Variants in LMNB1 observed in about 807,000 individuals in gnomAD.
LMNB1 encodes the protein lamin-B1.
Under a neutral mutation model 67.1 loss-of-function variants are expected in LMNB1, and 23 were observed. The ratio of observed to expected loss-of-function variants is 0.34; its 90% CI spans 0.25 to 0.49. The LOEUF (loss-of-function observed/expected upper bound fraction) is 0.49, where lower values mean the gene tolerates loss of function less well. LMNB1 is among the 20% of genes least tolerant of loss of function. The probability of loss-of-function intolerance (pLI) is 0.99; values close to 1 mark genes in which losing one functional copy is unlikely to be tolerated. For missense variants in LMNB1, 634 were observed against 746.5 expected (o/e 0.85, Z 1.76); for synonymous variants, 281 against 282.9 (o/e 0.99, Z 0.07).
Position 126,832,769 on chromosome 5 carries a change from G to A in LMNB1, c.1687G>A (p.Val563Met). The change falls in exon 10 of 11, where the codon GTG becomes ATG. Residue 563 changes from valine (V) to methionine (M), a missense_variant. Physicochemically the swap from Val to Met is conservative, Grantham distance 21. Transcript: ENST00000261366. Reference sequence around the variant, plus strand: ...GGAGGAGGAGGAAGAAGCAGCTGGAGTGGTTGTTGAGGAAGAACTTTTCCA... The same window carrying A: ...GGAGGAGGAGGAAGAAGCAGCTGGAATGGTTGTTGAGGAAGAACTTTTCCA... ...EEEEEEEAAG[V>M]VVEEELFHQQ... 1 of 1,612,156 alleles carries A rather than the reference G, an allele frequency of 6.2e-7. No homozygotes were observed. The highest frequency in any genetic ancestry group is 1.3e-5 in the African/African-American group (1 of 75,024).
rs188832276 is a variant in LMNB1 at position 126,793,993 on chromosome 5, G to A, written c.360-10783G>A. Among the ~76,000 whole-genome samples, 61 of 152,016 alleles carry A rather than the reference G, an allele frequency of 4.0e-4. 1 individual carries two copies. The highest frequency in any genetic ancestry group is 1.4e-3 in the African/African-American group (60 of 41,488). On this transcript the variant is annotated intron_variant, in intron 1 of 10. Transcript: ENST00000261366. ...TTTGTTGCCCAGGCTGGAGTGCAAT[G>A]GAGTGATCTTGACTCACTGCTACCT... is the stretch of plus-strand genomic sequence containing the variant.
chr5:126,834,389 A>G (rs748274252), intron 10 of LMNB1, among the ~76,000 whole-genome samples: 2 of 152,134 alleles, frequency 1.3e-5, no homozygotes, highest in Non-Finnish European at 1.5e-5. Context: ...ATATTGTAGT[A>G]GAGATGGAGT....
Position 126,834,406 on chromosome 5 carries a change from A to G in LMNB1, c.1719+1605A>G, listed in dbSNP as rs144687907. 6.8e-3 allele frequency among the ~76,000 whole-genome samples: 1,029 copies of G among 152,250 alleles called. 8 individuals are homozygous for G. Among genetic ancestry groups the G allele is most frequent in the Non-Finnish European group, 0.01 (682 of 68,022 alleles). On this transcript the variant is annotated intron_variant, in intron 10 of 10. Transcript: ENST00000261366. ...ATTGTAGTAGAGATGGAGTTTCACC[A>G]TGTTGGCCACGACAATCTCAATCTC...
At chr5:126,790,280 A>G (rs1750918160) in intron 1 of LMNB1, among the ~76,000 whole-genome samples, 1 of 151,322 alleles carries the variant, frequency 6.6e-6, no homozygotes, top group Non-Finnish European at 1.5e-5. Flanking sequence ...GAATTTTTGT[A>G]TTTTTAGTAG....
rs550205958 is a variant in LMNB1, at chr5:126,836,548, T to G, written c.*284T>G. ...TTTTGACTTTTTTTGTATGTGTGTT[T>G]TTTCTTTTTTTTTAAGTTCTTATGA... On this transcript the variant is annotated 3_prime_UTR_variant, in exon 11 of 11. Coordinates refer to ENST00000261366, the MANE Select transcript of LMNB1 (RefSeq NM_005573.4). 3.2e-3 allele frequency: 1,128 copies of G among 355,668 alleles called. 3 individuals carry two copies. The highest frequency in any genetic ancestry group is 4.7e-3 in the Non-Finnish European group (947 of 201,124). 22.0% of individuals were successfully genotyped at this position (355,668 alleles called of 1,614,324 possible). A position where few individuals can be genotyped will look rare whatever the true frequency, so the allele number is the denominator to read the frequency against.
At chr5:126,792,654 G>A (rs958420126) in intron 1 of LMNB1, among the ~76,000 whole-genome samples, 7 of 132,574 alleles carry the variant, frequency 5.3e-5, no homozygotes, top group Admixed American at 8.7e-5. Context: ...GCGGCTCACC[G>A]CAACCTCCGC....
At chr5:126,803,476 A>C (rs1751338417) in intron 1 of LMNB1, among the ~76,000 whole-genome samples, 1 of 151,884 alleles carries the variant, frequency 6.6e-6, no homozygotes, top group Non-Finnish European at 1.5e-5. Context: ...TTGAACTCCC[A>C]ACATCAGGTG....
intron 1 of LMNB1, among the ~76,000 whole-genome samples, chr5:126,778,273 C>T (rs1013400365): frequency 3.3e-5 from 5 of 152,058 alleles, no homozygotes; most frequent in Admixed American, 2.6e-4. Context: ...CAGTTTCCGG[C>T]CGGCGCGAGA....
chr5:126,777,987 G>C, intron 1 of LMNB1, 120 bp downstream of exon 1: 1 of 895,810 alleles, frequency 1.1e-6, no homozygotes, highest in Non-Finnish European at 1.5e-6. Context: ...GCGTCCTTCT[G>C]AAGGAACAGG....
intron 1 of LMNB1, among the ~76,000 whole-genome samples, chr5:126,779,632 C>T (rs970963827): frequency 6.6e-6 from 1 of 152,216 alleles, no homozygotes; most frequent in African/African-American, 2.4e-5. Flanking sequence ...GGCGTGGTGG[C>T]TCACGCCTGT....
In LMNB1 at chr5:126,810,199, G is replaced by T; in HGVS notation, c.662G>T (p.Arg221Met). 1 of 1,612,668 alleles carries T rather than the reference G, an allele frequency of 6.2e-7. No homozygotes were observed. Among genetic ancestry groups the T allele is most frequent in the Non-Finnish European group, 8.5e-7 (1 of 1,178,850 alleles). Residue 221 changes from arginine to methionine, a missense_variant, in exon 4 of 11, where the codon AGG becomes ATG. Transcript: ENST00000261366. ...CCCCAGGAGATTAACGAGACCAGAA[G>T]GAAGCATGAAACGCGCTTGGTAGAG... ...MYEEEINETR[R>M]KHETRLVEVD...
chr5:126,787,892 G>T (rs1217418064), intron 1 of LMNB1, among the ~76,000 whole-genome samples: 14 of 151,906 alleles, frequency 9.2e-5, no homozygotes, highest in Non-Finnish European at 1.9e-4. Flanking sequence ...GGTGGGGAAG[G>T]GGATTGTATT....
At position 126,831,554 on chromosome 5, in the gene LMNB1, G is replaced by A. The variant is rs185153241; in HGVS notation, c.1612-1140G>A. On this transcript the variant is annotated intron_variant, in intron 9 of 10. Transcript: ENST00000261366. ...ATAGTGTACAGTGTTCATCTGTCTTGATTTTGTTTCATTCAAGAGGTATCA... is the reference window on the plus strand; with the variant it reads ...ATAGTGTACAGTGTTCATCTGTCTTAATTTTGTTTCATTCAAGAGGTATCA... 1.1e-3 allele frequency among the ~76,000 whole-genome samples: 175 copies of A among 152,304 alleles called. 1 individual carries two copies. The highest frequency in any genetic ancestry group is 4.1e-3 in the African/African-American group (170 of 41,566).
intron 1 of LMNB1, among the ~76,000 whole-genome samples, chr5:126,794,166 C>T (rs1297266953): frequency 6.6e-6 from 1 of 152,184 alleles, no homozygotes; most frequent in African/African-American, 2.4e-5. Flanking sequence ...CTCAGGTGAT[C>T]TGCCTGCCTC....
chr5:126,816,923 G>A (rs979852752), intron 5 of LMNB1, among the ~76,000 whole-genome samples: 15 of 152,244 alleles, frequency 9.9e-5, no homozygotes, highest in African/African-American at 3.1e-4. Flanking sequence ...CTATTTTTCC[G>A]TTCCCATACA....
At chr5:126,822,508 A>G (rs1510955) in intron 7 of LMNB1, among the ~76,000 whole-genome samples, 107,793 of 152,192 alleles carry the variant, frequency 0.71, 38,292 homozygotes, top group Middle Eastern at 0.74. Context: ...CTTATCTAGC[A>G]GTGAATTTGA....
chr5:126,791,788 C>CT (rs1237699459), intron 1 of LMNB1, among the ~76,000 whole-genome samples: 7 of 151,266 alleles, frequency 4.6e-5, no homozygotes, highest in Admixed American at 2.0e-4. Context: ...CTTGATGTCT[C>CT]TTTTTTTGTT....
At chr5:126,824,269 A>G (rs923281994) in intron 8 of LMNB1, among the ~76,000 whole-genome samples, 4 of 152,252 alleles carry the variant, frequency 2.6e-5, no homozygotes, top group Admixed American at 1.3e-4. Context: ...ATTTTCTTAT[A>G]GCCGCATTAA....
chr5:126,810,214 G>A lies in LMNB1; in HGVS notation c.677G>A (p.Arg226His), dbSNP rs758503048. ...GAGACCAGAAGGAAGCATGAAACGCGCTTGGTAGAGGTGGATTCTGGGCGT... is the reference window on the plus strand; with the variant it reads ...GAGACCAGAAGGAAGCATGAAACGCACTTGGTAGAGGTGGATTCTGGGCGT... Reference protein sequence around the residue: ...INETRRKHETRLVEVDSGRQI... With the variant: ...INETRRKHETHLVEVDSGRQI... Residue 226 changes from arginine to histidine, a missense_variant, in exon 4 of 11, where the codon CGC becomes CAC. Transcript: ENST00000261366. 5 of 1,613,208 alleles carry A rather than the reference G, an allele frequency of 3.1e-6. No individual in the cohort carries two copies. Among genetic ancestry groups the A allele is most frequent in the East Asian group, 2.2e-5 (1 of 44,884 alleles).
Sources: allele counts gnomAD v4.1 joint callset (sites outside exome capture counted in the v4.1 genomes callset), GRCh38; gene constraint gnomAD v4.1.1; transcripts MANE v1.5; gene names NCBI Gene and HGNC (gene_info 2026-07-23, HGNC 2026-07-21).